ZHX2: variants seen among roughly 807,000 people sequenced by gnomAD.
ZHX2 encodes zinc fingers and homeoboxes protein 2.
Under a neutral mutation model 21.9 loss-of-function variants are expected in ZHX2, and 6 were observed. The observed-to-expected ratio is 0.27, with a 90% CI of 0.15 to 0.54. ZHX2 has a LOEUF of 0.54. Ranked by LOEUF, ZHX2 falls within the 20% of genes least tolerant of loss-of-function variation. The pLI, the probability that ZHX2 is intolerant of heterozygous loss-of-function variation, is 0.95. For synonymous variants in ZHX2, 434 were observed against 437.1 expected, an observed-to-expected ratio of 0.99 and a Z score of 0.09; for missense variants, 908 against 1,090.7, an observed-to-expected ratio of 0.83 and a Z score of 2.36.
chr8:122,865,370 C>T (rs1819266612), intron 2 of ZHX2, among the ~76,000 whole-genome samples: 3 of 152,068 alleles, frequency 2.0e-5, no homozygotes, highest in Non-Finnish European at 2.9e-5. Context: ...CCTCATGATC[C>T]GCCCGCCTCA....
At chr8:122,794,390 A>G (rs1475090243) in intron 1 of ZHX2, among the ~76,000 whole-genome samples, 1 of 151,898 alleles carries the variant, frequency 6.6e-6, no homozygotes, top group Non-Finnish European at 1.5e-5. Context: ...AAAATACCAA[A>G]TTTGTTCATG....
chr8:122,910,769 C>T (rs1820460337), intron 2 of ZHX2, among the ~76,000 whole-genome samples: 8 of 152,098 alleles, frequency 5.3e-5, no homozygotes, highest in Admixed American at 5.2e-4. Flanking sequence ...GGAATACAGC[C>T]ACTGACACTA....
At chr8:122,897,138 C>T (rs1820117780) in intron 2 of ZHX2, among the ~76,000 whole-genome samples, 1 of 152,318 alleles carries the variant, frequency 6.6e-6, no homozygotes, top group Middle Eastern at 3.4e-3. Context: ...TCCCCTGGCA[C>T]TGAGCACTGG....
intron 1 of ZHX2, among the ~76,000 whole-genome samples, chr8:122,843,559 G>T (rs1168760979): frequency 4.6e-5 from 7 of 152,184 alleles, no homozygotes; most frequent in Non-Finnish European, 8.8e-5. Context: ...GGGACCCCTC[G>T]TGTAAACAGG....
chr8:122,960,404 G>T (rs1456608690), intron 3 of ZHX2, among the ~76,000 whole-genome samples: 2 of 152,046 alleles, frequency 1.3e-5, no homozygotes, highest in Non-Finnish European at 2.9e-5. Context: ...TTGGTATAGT[G>T]GTGCATGCCT....
At position 122,839,481 on chromosome 8, in the gene ZHX2, G is replaced by GT. The variant is rs551985156; in HGVS notation, c.-282-23990dup. The stretch of plus-strand genomic sequence containing the variant: ...CTTTGGACTCCAAGGGGTCCTCCCT[G>GT]TTTTTTACCTTTCCAGCATTAAGGG... On this transcript the variant is annotated intron_variant, in intron 1 of 3. Coordinates refer to ENST00000314393, the MANE Select transcript of ZHX2 (RefSeq NM_014943.5). 6.4e-3 allele frequency among the ~76,000 whole-genome samples: 970 copies of GT among 152,190 alleles called. 6 individuals are homozygous for GT. Among genetic ancestry groups the GT allele is most frequent in the Middle Eastern group, 0.014 (4 of 294 alleles).
intron 1 of ZHX2, among the ~76,000 whole-genome samples, chr8:122,852,055 TACG>T (rs1375649050): frequency 6.6e-6 from 1 of 152,202 alleles, no homozygotes; most frequent in Non-Finnish European, 1.5e-5. Flanking sequence ...TCCTGGATGA[TACG>T]ACTTGAGGTG....
intron 2 of ZHX2, among the ~76,000 whole-genome samples, chr8:122,924,946 C>T (rs1820817716): frequency 6.6e-6 from 1 of 152,130 alleles, no homozygotes; most frequent in Non-Finnish European, 1.5e-5. Context: ...CTCTCCTCCT[C>T]CTTTGAAGTT....
chr8:122,793,425 G>C (rs1817558299), intron 1 of ZHX2, among the ~76,000 whole-genome samples: 1 of 152,202 alleles, frequency 6.6e-6, no homozygotes, highest in Non-Finnish European at 1.5e-5. Flanking sequence ...TCTTCTCTGG[G>C]CTGTAGACAC....
intron 2 of ZHX2, among the ~76,000 whole-genome samples, chr8:122,900,626 A>G (rs1820205922): frequency 6.6e-6 from 1 of 152,180 alleles, no homozygotes; most frequent in East Asian, 1.9e-4. Context: ...AGTGACATTC[A>G]ATATACGTTG....
At chr8:122,848,327 A>G (rs907389658) in intron 1 of ZHX2, among the ~76,000 whole-genome samples, 2 of 152,192 alleles carry the variant, frequency 1.3e-5, no homozygotes, top group Non-Finnish European at 2.9e-5. Context: ...AAGAAGGCGA[A>G]GAAGGCAGCC....
intron 2 of ZHX2, among the ~76,000 whole-genome samples, chr8:122,947,264 C>CT (rs1225068322): frequency 7.6e-6 from 1 of 132,214 alleles, no homozygotes; most frequent in East Asian, 2.1e-4. Flanking sequence ...GACCCCATCT[C>CT]TAAAAAAAAA....
At chr8:122,911,106 A>T (rs1185723193) in intron 2 of ZHX2, among the ~76,000 whole-genome samples, 2 of 152,224 alleles carry the variant, frequency 1.3e-5, no homozygotes, top group Non-Finnish European at 2.9e-5. Context: ...ATCGGTCTAC[A>T]CACACGCAGG....
intron 3 of ZHX2, among the ~76,000 whole-genome samples, chr8:122,954,731 C>T (rs1370191218): frequency 6.6e-6 from 1 of 152,178 alleles, no homozygotes; most frequent in African/African-American, 2.4e-5. Flanking sequence ...GTTTGGGCTC[C>T]AGCCTTCAGG....
chr8:122,886,047 G>A (rs1372761197), intron 2 of ZHX2, among the ~76,000 whole-genome samples: 2 of 152,158 alleles, frequency 1.3e-5, no homozygotes, highest in Non-Finnish European at 2.9e-5. Context: ...ATACAAGTTA[G>A]GTAATATGTG....
chr8:122,953,945 G>T lies in ZHX2; in HGVS notation c.2435G>T (p.Ser812Ile). ...ATCTCAGATAGATCAGATAGCTGGA[G>T]TCAGGCTGCGGCAGAAGGTGTGTCG... ...DAISDRSDSWSQAAAEGVSEL... is the reference protein window; with the variant it reads ...DAISDRSDSWIQAAAEGVSEL... The change falls in exon 3 of 4, where the codon AGT (serine) becomes ATT (isoleucine). Residue 812 changes from serine to isoleucine, a missense_variant. Physicochemically the swap from Ser to Ile is moderately radical, Grantham distance 142 (BLOSUM62 -2). This residue lies in a region of ZHX2 where 431 missense variants were observed against 428.6 expected (regional missense o/e 1.01). Coordinates refer to ENST00000314393, the MANE Select transcript of ZHX2 (RefSeq NM_014943.5). The surrounding 1 kb of genome is among the most constrained non-coding windows in gnomAD (Gnocchi z 4.6). 1 of 1,614,174 alleles carries T rather than the reference G, an allele frequency of 6.2e-7. No individual in the cohort carries two copies. Among genetic ancestry groups the T allele is most frequent in the Middle Eastern group, 1.7e-4 (1 of 6,060 alleles).
At position 122,953,611 on chromosome 8, in the gene ZHX2, G is replaced by T. The variant is rs541431529; in HGVS notation, c.2101G>T (p.Asp701Tyr). The change falls in exon 3 of 4, where the codon GAT (aspartate) becomes TAT (tyrosine). Residue 701 changes from aspartate to tyrosine, a missense_variant. Transcript: ENST00000314393. This position sits in a 1 kb window ranked among gnomAD's most constrained non-coding sequence, Gnocchi z 4.6. ...MEQYQHQPMA[D>Y]DHGYDAVARK... Reference sequence around the variant, plus strand: ...GCAGTACCAGCACCAGCCCATGGCAGATGATCACGGCTACGATGCCGTAGC... The same window carrying T: ...GCAGTACCAGCACCAGCCCATGGCATATGATCACGGCTACGATGCCGTAGC... 1 of 1,614,100 alleles carries T rather than the reference G, an allele frequency of 6.2e-7. No homozygotes were observed. The highest frequency in any genetic ancestry group is 1.1e-5 in the South Asian group (1 of 91,094).
At chr8:122,875,128 G>GC in intron 2 of ZHX2, among the ~76,000 whole-genome samples, 1 of 20,350 alleles carries the variant, frequency 4.9e-5, no homozygotes, top group African/African-American at 2.7e-4. Context: ...GGAAAACTCT[G>GC]TTATATATAT....
chr8:122,973,909 C>T lies in ZHX2; in HGVS notation c.*672C>T, dbSNP rs1054470852. 5.2e-5 allele frequency: 8 copies of T among 152,574 alleles called. No individual in the cohort carries two copies. The highest frequency in any genetic ancestry group is 1.9e-4 in the African/African-American group (8 of 41,432). 9.5% of individuals were successfully genotyped at this position (152,574 alleles called of 1,614,324 possible). A position where few individuals can be genotyped will look rare whatever the true frequency, so the allele number is the denominator to read the frequency against. On this transcript the variant is annotated 3_prime_UTR_variant, in exon 4 of 4. Transcript: ENST00000314393. ...TTTTTGGGGGTCCCTGCCTTAGCCC[C>T]ACACAAGGCTTTCTGAACTGCCAAG...
Sources: allele counts gnomAD v4.1 joint callset (sites outside exome capture counted in the v4.1 genomes callset), GRCh38; gene constraint gnomAD v4.1.1; regional missense constraint gnomAD v4.1.1; non-coding constraint Gnocchi (gnomAD v3.1); transcripts MANE v1.5; gene names NCBI Gene and HGNC (gene_info 2026-07-23, HGNC 2026-07-21).